Variants in ESR1 observed in about 807,000 individuals in gnomAD.
The protein encoded by ESR1 is estrogen receptor 1, also known as estrogen receptor.
ESR1 carries 12 observed loss-of-function variants against 52.7 expected under a neutral mutation model. That is an observed-to-expected ratio of 0.23 (90% CI 0.15 to 0.37). The LOEUF (loss-of-function observed/expected upper bound fraction) is 0.37. Ranked by LOEUF, ESR1 falls within the 10% of genes least tolerant of loss-of-function variation. The probability of loss-of-function intolerance (pLI) is 1.00; values close to 1 mark genes in which losing one functional copy is unlikely to be tolerated. For missense variants in ESR1, 584 were observed against 779.7 expected, an observed-to-expected ratio of 0.75 and a Z score of 2.99; for synonymous variants, 305 against 316.8, an observed-to-expected ratio of 0.96 and a Z score of 0.39.
In ESR1 at chr6:151,842,657, G is replaced by A. The variant is rs2128234370; in HGVS notation, c.513G>A (p.Lys171=). The A allele has an allele frequency of 6.2e-7, 1 of 1,613,900 alleles. No individual in the cohort carries two copies. The highest frequency in any genetic ancestry group is 1.1e-5 in the South Asian group (1 of 91,076). The change falls in exon 2 of 8, where the codon AAG becomes AAA. Residue 171 remains lysine (K), a synonymous_variant. Coordinates refer to ENST00000206249, the MANE Select transcript of ESR1 (RefSeq NM_000125.4). ...AAAGATTGGCCAGTACCAATGACAA[G>A]GGAAGTATGGCTATGGAATCTGCCA... The part of the protein sequence containing the change: ...GRERLASTND[K]GSMAMESAKE...
intron 6 of ESR1, among the ~76,000 whole-genome samples, chr6:152,075,295 C>T: frequency 6.6e-6 from 1 of 152,164 alleles, no homozygotes; most frequent in Non-Finnish European, 1.5e-5. Context: ...TTTTTACTCT[C>T]AAAATGTTTT....
At chr6:151,677,001 G>T (rs1249420121) in intron 1 of ESR1, among the ~76,000 whole-genome samples, 1 of 152,138 alleles carries the variant, frequency 6.6e-6, no homozygotes, top group African/African-American at 2.4e-5. Context: ...TGGAAAAGAA[G>T]AAAAATTTGT....
chr6:151,707,842 G>A (rs1163533082), intron 2 of ESR1, among the ~76,000 whole-genome samples: 1 of 152,042 alleles, frequency 6.6e-6, no homozygotes, highest in African/African-American at 2.4e-5. Context: ...TATGCCTCTT[G>A]TAGTCCTTGT....
intron 1 of ESR1, among the ~76,000 whole-genome samples, chr6:151,684,870 C>T (rs2115312730): frequency 6.6e-6 from 1 of 152,272 alleles, no homozygotes; most frequent in Middle Eastern, 3.4e-3. Context: ...GGACCCTCTT[C>T]CACTAGGTTT....
intron 2 of ESR1, among the ~76,000 whole-genome samples, chr6:151,763,933 G>A (rs1432391342): frequency 6.6e-6 from 1 of 152,162 alleles, no homozygotes; most frequent in East Asian, 1.9e-4. Flanking sequence ...ATGCCTGGAG[G>A]ATGACAGGGC....
chr6:151,791,874 A>G (rs942244889), intron 2 of ESR1, among the ~76,000 whole-genome samples: 2 of 152,250 alleles, frequency 1.3e-5, no homozygotes, highest in African/African-American at 2.4e-5. Context: ...AAGTTAGACA[A>G]CAAATTCAAA....
chr6:151,878,090 T>C (rs902110425), intron 2 of ESR1, among the ~76,000 whole-genome samples: 38 of 152,184 alleles, frequency 2.5e-4, no homozygotes, highest in Non-Finnish European at 4.7e-4. Context: ...ACTGGAATTA[T>C]AGGCATGAGC....
chr6:151,703,353 A>G (rs1049474489), intron 2 of ESR1, among the ~76,000 whole-genome samples: 1 of 152,172 alleles, frequency 6.6e-6, no homozygotes, highest in Admixed American at 6.5e-5. Context: ...CTGGAGGTGC[A>G]TGTGGAACCC....
intron 1 of ESR1, among the ~76,000 whole-genome samples, chr6:151,832,325 C>T (rs1004585295): frequency 5.3e-5 from 8 of 152,168 alleles, no homozygotes; most frequent in Non-Finnish European, 7.3e-5. Flanking sequence ...TTTTCCTCTC[C>T]AGACTCTATC....
chr6:151,891,910 T>C (rs528980162), intron 3 of ESR1, among the ~76,000 whole-genome samples: 3 of 152,296 alleles, frequency 2.0e-5, no homozygotes, highest in Admixed American at 2.0e-4. Context: ...TAAAAAGACC[T>C]ACTTAAGATT....
intron 5 of ESR1, among the ~76,000 whole-genome samples, chr6:152,024,476 T>C (rs2043953629): frequency 6.6e-6 from 1 of 151,706 alleles, no homozygotes; most frequent in African/African-American, 2.4e-5. Flanking sequence ...AGTACTGATA[T>C]CTCCATGACA....
intron 5 of ESR1, among the ~76,000 whole-genome samples, chr6:152,029,685 G>A (rs1163690868): frequency 6.6e-5 from 10 of 152,148 alleles, no homozygotes; most frequent in Non-Finnish European, 1.2e-4. Flanking sequence ...TGAAAGTGAT[G>A]GGGAGAATGG....
At chr6:151,844,436 G>A (rs1483025643) in intron 2 of ESR1, among the ~76,000 whole-genome samples, 2 of 152,180 alleles carry the variant, frequency 1.3e-5, no homozygotes, top group African/African-American at 4.8e-5. Flanking sequence ...GGATTGAGCT[G>A]AGACTGTTTC....
At chr6:151,764,716 AATG>A (rs1784915308) in intron 2 of ESR1, among the ~76,000 whole-genome samples, 1 of 152,336 alleles carries the variant, frequency 6.6e-6, no homozygotes, top group East Asian at 1.9e-4. Flanking sequence ...TATCAGTCAC[AATG>A]ATGATCACTG....
intron 6 of ESR1, among the ~76,000 whole-genome samples, chr6:152,075,180 C>A (rs781283620): frequency 4.0e-4 from 61 of 152,286 alleles, no homozygotes; most frequent in Non-Finnish European, 7.6e-4. Context: ...TTGGTGCCCC[C>A]ACCCCGCAAC....
intron 6 of ESR1, among the ~76,000 whole-genome samples, chr6:152,113,609 A>C (rs1313397473): frequency 1.3e-5 from 2 of 152,088 alleles, no homozygotes; most frequent in East Asian, 3.9e-4. Flanking sequence ...TTTAACCACA[A>C]TCTTAAAAAA....
intron 6 of ESR1, among the ~76,000 whole-genome samples, chr6:152,065,535 A>G (rs567400198): frequency 4.9e-4 from 74 of 152,272 alleles, no homozygotes; most frequent in African/African-American, 1.7e-3. Flanking sequence ...AATTATTTCT[A>G]CCTCTTTTCT....
chr6:152,008,341 C>A (rs1005586258), intron 4 of ESR1, among the ~76,000 whole-genome samples: 7 of 152,082 alleles, frequency 4.6e-5, no homozygotes, highest in Admixed American at 4.6e-4. Flanking sequence ...ATTAAATAGA[C>A]TCTTTTTGAG....
rs2050902106 is a variant in ESR1, at chr6:152,099,889, G to A, written c.*923G>A. On this transcript the variant is annotated 3_prime_UTR_variant, in exon 8 of 8. Transcript: ENST00000206249. ...CCCGGCGTGTGTGTGCCTTACACAG[G>A]GGTGAACTGTTCACTGTGGTGATGC... 2.5e-6 allele frequency: 1 copy of A among 397,724 alleles called. No individual in the cohort carries two copies. Among genetic ancestry groups the A allele is most frequent in the Non-Finnish European group, 4.4e-6 (1 of 225,896 alleles). 24.6% of individuals were successfully genotyped at this position (397,724 alleles called of 1,614,324 possible).
Sources: allele counts gnomAD v4.1 joint callset (sites outside exome capture counted in the v4.1 genomes callset), GRCh38; gene constraint gnomAD v4.1.1; transcripts MANE v1.5; gene names NCBI Gene and HGNC (gene_info 2026-07-23, HGNC 2026-07-21).